ZCCHC14: variants seen among roughly 807,000 people sequenced by gnomAD.
The protein encoded by ZCCHC14 is zinc finger CCHC domain-containing protein 14.
In ZCCHC14, 16 loss-of-function variants were observed where a neutral mutation model predicts 85.0. The ratio of observed to expected loss-of-function variants is 0.19; its 90% CI spans 0.13 to 0.29. The LOEUF (loss-of-function observed/expected upper bound fraction) is 0.29, where lower values mean the gene tolerates loss of function less well. ZCCHC14 is among the 10% of genes least tolerant of loss of function. The pLI, the probability that ZCCHC14 is intolerant of heterozygous loss-of-function variation, is 1.00. For synonymous variants in ZCCHC14, 775 were observed against 630.7 expected, an observed-to-expected ratio of 1.23 and a Z score of -3.43; for missense variants, 1,303 against 1,443.5, an observed-to-expected ratio of 0.90 and a Z score of 1.58.
rs757134209 is a variant in ZCCHC14, at chr16:87,412,564, G to A, written c.2157C>T (p.Ser719=). 27 of 1,614,018 alleles carry A rather than the reference G, an allele frequency of 1.7e-5. No homozygotes were observed. The highest frequency in any genetic ancestry group is 2.3e-5 in the Non-Finnish European group (27 of 1,180,042). ...VQVLSGLSES[S]SMSPTVSFGP... ...CAAAGGAGACTGTGGGTGACATGGA[G>A]CTGCTCTCCGAAAGCCCAGAGAGGA... is the stretch of plus-strand genomic sequence containing the variant. The change falls in exon 12 of 13, where the codon AGC becomes AGT. Residue 719 remains serine (S), a synonymous_variant. Coordinates refer to ENST00000671377, the MANE Select transcript of ZCCHC14 (RefSeq NM_015144.3).
At chr16:87,477,879 C>A (rs1912093902) in intron 1 of ZCCHC14, among the ~76,000 whole-genome samples, 1 of 148,830 alleles carries the variant, frequency 6.7e-6, no homozygotes. Flanking sequence ...CTGGGGAACA[C>A]CGACACGCCC....
At chr16:87,429,280 TG>T (rs1048586107) in intron 3 of ZCCHC14, among the ~76,000 whole-genome samples, 110 of 152,276 alleles carry the variant, frequency 7.2e-4, no homozygotes, top group African/African-American at 2.6e-3. Context: ...TTCCTAATGA[TG>T]AGGATGGTGA....
At chr16:87,421,285 C>A (rs200623982) in intron 4 of ZCCHC14, among the ~76,000 whole-genome samples, 3 of 152,174 alleles carry the variant, frequency 2.0e-5, no homozygotes, top group African/African-American at 4.8e-5. Context: ...GCCCTTAAGA[C>A]GTTGCAGGAG....
At chr16:87,484,749 G>A (rs1157348451) in intron 1 of ZCCHC14, among the ~76,000 whole-genome samples, 1 of 152,266 alleles carries the variant, frequency 6.6e-6, no homozygotes, top group African/African-American at 2.4e-5. Flanking sequence ...TGTTAAAGCC[G>A]GGGTTTTGTT....
chr16:87,439,281 G>A (rs577082048), intron 2 of ZCCHC14, among the ~76,000 whole-genome samples: 8 of 151,980 alleles, frequency 5.3e-5, no homozygotes, highest in African/African-American at 7.2e-5. Flanking sequence ...CTACAGGCAC[G>A]CACCACCATG....
intron 1 of ZCCHC14, among the ~76,000 whole-genome samples, chr16:87,468,885 A>C (rs538111805): frequency 6.6e-6 from 1 of 152,246 alleles, no homozygotes; most frequent in African/African-American, 2.4e-5. Flanking sequence ...GATACAGTTT[A>C]TTTTCCCTAA....
intron 1 of ZCCHC14, among the ~76,000 whole-genome samples, chr16:87,464,314 T>G (rs1911417384): frequency 6.6e-6 from 1 of 152,104 alleles, no homozygotes; most frequent in Admixed American, 6.6e-5. Context: ...CCCACCAAAA[T>G]CAGAGTTTCT....
intron 1 of ZCCHC14, chr16:87,473,130 A>G (rs983877274): frequency 7.2e-5 from 11 of 152,152 alleles, no homozygotes; most frequent in African/African-American, 2.7e-4. Flanking sequence ...CATAGATGCA[A>G]TCTAACTCCA....
chr16:87,420,567 G>T lies in ZCCHC14; in HGVS notation c.950+40C>A. On this transcript the variant is annotated intron_variant, in intron 5 of 12. Coordinates refer to ENST00000671377, the MANE Select transcript of ZCCHC14 (RefSeq NM_015144.3). This position sits in a 1 kb window ranked among gnomAD's most constrained non-coding sequence, Gnocchi z 5.0. ...TTGACCACAGGACCAGCCTGTCCTT[G>T]CCAGCTGTGGACGCGCCGGGTGCCT... is the stretch of plus-strand genomic sequence containing the variant. The T allele has an allele frequency of 6.5e-7, 1 of 1,534,898 alleles. No homozygotes were observed. Among genetic ancestry groups the T allele is most frequent in the South Asian group, 1.2e-5 (1 of 83,994 alleles).
intron 1 of ZCCHC14, chr16:87,467,528 G>A: frequency 6.2e-7 from 1 of 1,603,470 alleles, no homozygotes; most frequent in Non-Finnish European, 8.5e-7. Flanking sequence ...CTCAACAGTA[G>A]GATCAGAAGC....
chr16:87,410,278 T>C lies in ZCCHC14; in HGVS notation c.*2A>G, dbSNP rs918598989. On this transcript the variant is annotated 3_prime_UTR_variant, in exon 13 of 13. Transcript: ENST00000671377. ...ATAACGTTCTGTTGCCAGAGAAAAA[T>C]ATCAATCTGTGGAGTCCAGACTTTC... The C allele has an allele frequency of 3.9e-6, 3 of 769,550 alleles. No individual in the cohort carries two copies. The highest frequency in any genetic ancestry group is 1.7e-5 in the African/African-American group (1 of 58,476). The allele number at this position is 769,550 out of a possible 1,614,324, so 47.7% of individuals were successfully genotyped here.
chr16:87,465,251 T>G (rs535580328), intron 1 of ZCCHC14, among the ~76,000 whole-genome samples: 3 of 152,368 alleles, frequency 2.0e-5, no homozygotes, highest in South Asian at 2.1e-4. Context: ...TGCTGTTCCT[T>G]TGCACTTCGA....
At chr16:87,425,406 G>A (rs1052705283) in intron 3 of ZCCHC14, among the ~76,000 whole-genome samples, 10 of 151,984 alleles carry the variant, frequency 6.6e-5, no homozygotes, top group Admixed American at 3.9e-4. Context: ...GAGAAACCCC[G>A]TCTCTACTAA....
intron 1 of ZCCHC14, among the ~76,000 whole-genome samples, chr16:87,464,122 C>T (rs572526831): frequency 5.5e-4 from 84 of 152,336 alleles, no homozygotes; most frequent in Non-Finnish European, 7.2e-4. Flanking sequence ...TAAAACACTC[C>T]AAAGAGACAC....
At chr16:87,464,504 A>T (rs1911428199) in intron 1 of ZCCHC14, among the ~76,000 whole-genome samples, 1 of 152,182 alleles carries the variant, frequency 6.6e-6, no homozygotes, top group Admixed American at 6.5e-5. Flanking sequence ...CCCCACGCAG[A>T]CAGGAAGAGC....
Position 87,454,375 on chromosome 16 carries a change from G to C in ZCCHC14, c.694+5633C>G, listed in dbSNP as rs191561867. On this transcript the variant is annotated intron_variant, in intron 2 of 12. Transcript: ENST00000671377. ...CACAGACAAACCATTCCAAACCAAA[G>C]ACAACATCCTCAACGCAGCCAGAGA... is the stretch of plus-strand genomic sequence containing the variant. Among the ~76,000 whole-genome samples the C allele has an allele frequency of 8.3e-4, 126 of 152,220 alleles. No homozygotes were observed. The Middle Eastern group carries it at 0.01, about 12-fold the overall frequency.
At chr16:87,478,151 A>G (rs1912106252) in intron 1 of ZCCHC14, among the ~76,000 whole-genome samples, 1 of 152,224 alleles carries the variant, frequency 6.6e-6, no homozygotes. Flanking sequence ...CCTTCCACCT[A>G]TTTAAAAAAC....
chr16:87,455,049 G>A (rs1382469458), intron 2 of ZCCHC14, among the ~76,000 whole-genome samples: 2 of 152,228 alleles, frequency 1.3e-5, no homozygotes, highest in South Asian at 2.1e-4. Flanking sequence ...AGCACTGTGG[G>A]AGGCCGAGGC....
At chr16:87,444,053 A>G (rs1351667886) in intron 2 of ZCCHC14, among the ~76,000 whole-genome samples, 1 of 151,420 alleles carries the variant, frequency 6.6e-6, no homozygotes, top group Non-Finnish European at 1.5e-5. Flanking sequence ...AAAAAAAAAA[A>G]AAAAAAGAAA....
Sources: allele counts gnomAD v4.1 joint callset (sites outside exome capture counted in the v4.1 genomes callset), GRCh38; gene constraint gnomAD v4.1.1; non-coding constraint Gnocchi (gnomAD v3.1); transcripts MANE v1.5; gene names NCBI Gene and HGNC (gene_info 2026-07-23, HGNC 2026-07-21).